Variants in SYT1 observed in about 807,000 individuals in gnomAD.
SYT1 encodes synaptotagmin-1.
A neutral mutation model predicts 44.8 loss-of-function variants in SYT1; 8 were observed. That is an observed-to-expected ratio of 0.18 (90% CI 0.10 to 0.32). The LOEUF is 0.32. Among genes scored for constraint, SYT1 ranks in the 10% least tolerant of loss-of-function variants. SYT1 has a pLI of 1.00. For missense variants in SYT1, 286 were observed against 509.3 expected (o/e 0.56, Z 4.22); for synonymous variants, 154 against 188.8 (o/e 0.82, Z 1.51).
intron 8 of SYT1, among the ~76,000 whole-genome samples, chr12:79,310,809 C>G (rs906857080): frequency 2.0e-5 from 3 of 152,132 alleles, no homozygotes; most frequent in African/African-American, 7.2e-5. Flanking sequence ...TAATTTGGCT[C>G]TCTGTTTGTC....
intron 1 of SYT1, among the ~76,000 whole-genome samples, chr12:78,927,910 C>T (rs1216623467): frequency 1.3e-5 from 2 of 152,106 alleles, no homozygotes; most frequent in Admixed American, 6.6e-5. Flanking sequence ...CTAATTTTCC[C>T]TATGCTTTCA....
chr12:79,092,860 T>C (rs1592741936), intron 3 of SYT1, among the ~76,000 whole-genome samples: 2 of 151,876 alleles, frequency 1.3e-5, no homozygotes, highest in Non-Finnish European at 3.0e-5. Flanking sequence ...ACAATAGCCA[T>C]GGTTAAAAAC....
chr12:79,049,497 A>G (rs1874313124), intron 3 of SYT1, among the ~76,000 whole-genome samples: 1 of 151,996 alleles, frequency 6.6e-6, no homozygotes, highest in South Asian at 2.1e-4. Flanking sequence ...TGTAATAAAA[A>G]GTATAATTTA....
chr12:79,002,036 T>C (rs1211218869), intron 2 of SYT1, among the ~76,000 whole-genome samples: 1 of 152,124 alleles, frequency 6.6e-6, no homozygotes, highest in Non-Finnish European at 1.5e-5. Flanking sequence ...ATCTGCATGA[T>C]AAAATAACTA....
intron 8 of SYT1, among the ~76,000 whole-genome samples, chr12:79,308,555 G>A (rs567670664): frequency 1.4e-3 from 169 of 119,950 alleles, no homozygotes; most frequent in African/African-American, 5.1e-3. Flanking sequence ...AAAGAAAAAA[G>A]AAAGAAAGGA....
chr12:79,285,886 A>G lies in SYT1; in HGVS notation c.266A>G (p.Asn89Ser). Reference protein sequence around the residue: ...ICKKCLFKKKNKKKGKEKGGK... With the variant: ...ICKKCLFKKKSKKKGKEKGGK... ...AAGAAATGTTTGTTCAAAAAGAAAAACAAGAAGAAGGGAAAGGAAAAAGGA... is the reference window on the plus strand; with the variant it reads ...AAGAAATGTTTGTTCAAAAAGAAAAGCAAGAAGAAGGGAAAGGAAAAAGGA... The change falls in exon 5 of 11, where the codon AAC becomes AGC. Residue 89 changes from asparagine to serine, a missense_variant. Asn to Ser is a conservative substitution (Grantham distance 46, BLOSUM62 1). Transcript: ENST00000261205. The G allele has an allele frequency of 1.2e-6, 2 of 1,614,020 alleles. No individual in the cohort carries two copies. The highest frequency in any genetic ancestry group is 1.7e-6 in the Non-Finnish European group (2 of 1,179,968).
chr12:79,202,042 A>G (rs1306440815), intron 3 of SYT1, among the ~76,000 whole-genome samples: 4 of 152,200 alleles, frequency 2.6e-5, no homozygotes, highest in Non-Finnish European at 5.9e-5. Flanking sequence ...AAGGCAATTT[A>G]GCTCCATGTA....
At chr12:79,259,417 G>A (rs1877707656) in intron 4 of SYT1, among the ~76,000 whole-genome samples, 1 of 152,054 alleles carries the variant, frequency 6.6e-6, no homozygotes, top group Admixed American at 6.6e-5. Flanking sequence ...GCTTAAATTA[G>A]GCATGTAAAA....
intron 9 of SYT1, among the ~76,000 whole-genome samples, chr12:79,371,238 A>G (rs1883776741): frequency 6.6e-6 from 1 of 152,212 alleles, no homozygotes; most frequent in African/African-American, 2.4e-5. Context: ...CTCCAGCTGC[A>G]TCTGTTACCT....
intron 9 of SYT1, among the ~76,000 whole-genome samples, chr12:79,363,578 A>AC (rs1252447785): frequency 7.9e-5 from 12 of 151,494 alleles, no homozygotes; most frequent in Non-Finnish European, 1.6e-4. Flanking sequence ...AAATTAAAAA[A>AC]AAAAAAAATA....
intron 8 of SYT1, among the ~76,000 whole-genome samples, chr12:79,344,554 G>A (rs1882522943): frequency 6.6e-6 from 1 of 152,106 alleles, no homozygotes; most frequent in African/African-American, 2.4e-5. Context: ...TTGGGCCCAA[G>A]TAATCCTCCC....
chr12:78,988,326 T>C (rs1356518327), intron 2 of SYT1, among the ~76,000 whole-genome samples: 3 of 150,248 alleles, frequency 2.0e-5, no homozygotes, highest in African/African-American at 7.3e-5. Flanking sequence ...TATCTTTATA[T>C]CAATAAATCA....
At chr12:79,321,164 A>G (rs1203604012) in intron 8 of SYT1, among the ~76,000 whole-genome samples, 1 of 152,240 alleles carries the variant, frequency 6.6e-6, no homozygotes, top group South Asian at 2.1e-4. Flanking sequence ...TTTGCAAATT[A>G]GGAAACTGAG....
chr12:79,248,610 G>A (rs1220667188), intron 4 of SYT1, among the ~76,000 whole-genome samples: 1 of 152,146 alleles, frequency 6.6e-6, no homozygotes, highest in East Asian at 1.9e-4. Flanking sequence ...ATGTAAATGA[G>A]TACCAAAGAA....
At chr12:79,198,737 C>T (rs1043511883) in intron 3 of SYT1, among the ~76,000 whole-genome samples, 2 of 152,244 alleles carry the variant, frequency 1.3e-5, no homozygotes, top group East Asian at 3.9e-4. Flanking sequence ...CTTCAGGAAA[C>T]AAGATGTAAG....
chr12:79,336,397 T>C (rs1429940911), intron 8 of SYT1, among the ~76,000 whole-genome samples: 2 of 152,196 alleles, frequency 1.3e-5, no homozygotes, highest in African/African-American at 4.8e-5. Context: ...AATAGACAAA[T>C]TGGCACTTTT....
chr12:79,424,953 C>CTTTTTTTTTTTTTTTTTTTTT (rs398040025), intron 9 of SYT1, among the ~76,000 whole-genome samples: 4 of 85,250 alleles, frequency 4.7e-5, no homozygotes, highest in South Asian at 3.9e-4. Flanking sequence ...TTTTCTTCTT[C>CTTTTTTTTTTTTTTTTTTTTT]TTTTTTTTTT....
intron 3 of SYT1, among the ~76,000 whole-genome samples, chr12:79,179,387 G>GATATATATATCC (rs1491382424): frequency 0.13 from 468 of 3,606 alleles, 54 homozygotes; most frequent in Non-Finnish European, 0.2. Context: ...TAGATATATC[G>GATATATATATCC]ATATAGATAT....
At chr12:78,876,681 A>G (rs1177034207) in intron 1 of SYT1, among the ~76,000 whole-genome samples, 6 of 108,910 alleles carry the variant, frequency 5.5e-5, no homozygotes, top group Admixed American at 4.3e-4. Flanking sequence ...ACATGTGTGT[A>G]TATATACACA....
Sources: gnomAD v4.1 joint callset for allele counts (sites outside exome capture counted in the v4.1 genomes callset) on GRCh38, gnomAD v4.1.1 for gene constraint, MANE v1.5 for transcripts, NCBI Gene and HGNC (gene_info 2026-07-23, HGNC 2026-07-21) for gene names.